The following SDC3 variants were observed in gnomAD, a reference collection of about 807,000 sequenced individuals.
SDC3 encodes the protein syndecan 3.
A neutral mutation model predicts 24.4 loss-of-function variants in SDC3; 13 were observed. That is an observed-to-expected ratio of 0.53 (90% CI 0.35 to 0.85). The LOEUF (loss-of-function observed/expected upper bound fraction) is 0.85. SDC3 is among the 40% of genes least tolerant of loss of function. The probability of loss-of-function intolerance (pLI) is 0.01; values close to 1 mark genes in which losing one functional copy is unlikely to be tolerated. For missense variants in SDC3, 571 were observed against 584.5 expected (o/e 0.98, Z 0.24); for synonymous variants, 295 against 260.9 (o/e 1.13, Z -1.26).
upstream of SDC3, among the ~76,000 whole-genome samples, chr1:30,909,155 C>T (rs1251928077): frequency 1.3e-5 from 2 of 152,186 alleles, no homozygotes; most frequent in Admixed American, 1.3e-4. Context: ...GCTCCACGCA[C>T]GTGTCTCTTC....
chr1:30,897,001 G>A (rs1638277160), intron 1 of SDC3, among the ~76,000 whole-genome samples: 1 of 152,170 alleles, frequency 6.6e-6, no homozygotes, highest in Non-Finnish European at 1.5e-5. Flanking sequence ...GCAAAGGGAT[G>A]AGGCTGGAGA....
At chr1:30,873,445 G>C in intron 4 of SDC3, 68 bp from the exon 5 acceptor site, 1 of 1,223,872 alleles carries the variant, frequency 8.2e-7, no homozygotes, top group African/African-American at 1.5e-5. Context: ...GGTCCTCAGG[G>C]GTGGGGGCCA....
chr1:30,878,534 G>C, intron 2 of SDC3, 89 bp downstream of exon 2: 1 of 1,067,100 alleles, frequency 9.4e-7, no homozygotes, highest in Non-Finnish European at 1.4e-6. Flanking sequence ...CTGCCTCACT[G>C]AAGCAAGCCC....
Position 30,869,532 on chromosome 1 carries a change from C to CA in SDC3, c.*3678dup, listed in dbSNP as rs1639490163. The stretch of plus-strand genomic sequence containing the variant: ...GCACAGGAAGTGTTAAAAAAACAAA[C>CA]AAACAAAAAAAAAAAAAAAAAAAAA... On this transcript the variant is annotated 3_prime_UTR_variant, in exon 5 of 5. Transcript: ENST00000339394. 3.6e-6 allele frequency: 1 copy of CA among 277,008 alleles called. No homozygotes were observed. Among genetic ancestry groups the CA allele is most frequent in the Non-Finnish European group, 5.7e-6 (1 of 174,428 alleles). The allele number at this position is 277,008 out of a possible 1,614,324, so 17.2% of individuals were successfully genotyped here. A position where few individuals can be genotyped will look rare whatever the true frequency, so the allele number is the denominator to read the frequency against.
intron 1 of SDC3, among the ~76,000 whole-genome samples, chr1:30,883,773 G>A (rs979693812): frequency 1.3e-5 from 2 of 152,192 alleles, no homozygotes; most frequent in African/African-American, 4.8e-5. Flanking sequence ...GAAAGGAGGG[G>A]GCGGGGTTAG....
chr1:30,885,469 T>G (rs1044391847), intron 1 of SDC3, among the ~76,000 whole-genome samples: 1 of 152,160 alleles, frequency 6.6e-6, no homozygotes, highest in African/African-American at 2.4e-5. Context: ...CCATAGCACT[T>G]TTGTTATTAG....
At position 30,873,014 on chromosome 1, in the gene SDC3, C is replaced by G. The variant is rs578010255; in HGVS notation, c.*197G>C. On this transcript the variant is annotated 3_prime_UTR_variant, in exon 5 of 5. Coordinates refer to ENST00000339394, the MANE Select transcript of SDC3 (RefSeq NM_014654.4). ...AGAGATGAGCTCGTAAGGGCACAGT[C>G]TGGGGCAGATGGCAGCAGCCCCTCT... 6.6e-6 allele frequency: 4 copies of G among 603,986 alleles called. No homozygotes were observed. Among genetic ancestry groups the G allele is most frequent in the East Asian group, 5.5e-5 (2 of 36,330 alleles). 37.4% of individuals were successfully genotyped at this position (603,986 alleles called of 1,614,324 possible).
chr1:30,882,540 G>A (rs1639760212), intron 1 of SDC3, among the ~76,000 whole-genome samples: 3 of 152,170 alleles, frequency 2.0e-5, no homozygotes, highest in Non-Finnish European at 2.9e-5. Context: ...CTCCCAGGTT[G>A]CCCAGCCCCC....
At chr1:30,879,297 G>A (rs552519826) in intron 1 of SDC3, among the ~76,000 whole-genome samples, 3 of 152,180 alleles carry the variant, frequency 2.0e-5, no homozygotes, top group Admixed American at 6.5e-5. Flanking sequence ...GGAGCCAGGA[G>A]GTGCCCCCTC....
intron 2 of SDC3, chr1:30,878,292 C>A: frequency 4.0e-6 from 1 of 247,314 alleles, no homozygotes; most frequent in South Asian, 7.2e-5. Context: ...GCCCTAACCC[C>A]ACCATTGGCC....
In SDC3 at chr1:30,874,575, T is replaced by G; in HGVS notation, c.884A>C (p.Glu295Ala). The G allele has an allele frequency of 6.2e-7, 1 of 1,614,064 alleles. No homozygotes were observed. The change falls in exon 4 of 5, where the codon GAG becomes GCG. Residue 295 changes from glutamate (E) to alanine (A), a missense_variant. Physicochemically the swap from Glu to Ala is moderately radical, Grantham distance 107. This residue lies in a region of SDC3 where 497 missense variants were observed against 471.6 expected (regional missense o/e 1.05). Transcript: ENST00000339394. Reference protein sequence around the residue: ...PTEVAQTPTPETFLTTIRDEP... With the variant: ...PTEVAQTPTPATFLTTIRDEP... ...ATCCCGGATTGTGGTCAGGAAGGTC[T>G]CTGGAGTTGGGGTCTGCAGAGAGGG...
At chr1:30,906,998 C>T (rs973042820) in intron 1 of SDC3, among the ~76,000 whole-genome samples, 3 of 152,128 alleles carry the variant, frequency 2.0e-5, no homozygotes, top group Non-Finnish European at 4.4e-5. Flanking sequence ...TGACAGCCCC[C>T]TAGATGGGGA....
rs1236114418 is a variant in SDC3 at position 30,869,500 on chromosome 1, G to A, written c.*3711C>T. On this transcript the variant is annotated 3_prime_UTR_variant, in exon 5 of 5. Transcript: ENST00000339394. ...CTTAATTTTATTTCCTCTTATAAAT[G>A]GGCACAGCACAGGAAGTGTTAAAAA... 7 of 387,784 alleles carry A rather than the reference G, an allele frequency of 1.8e-5. No individual in the cohort carries two copies. Among genetic ancestry groups the A allele is most frequent in the Non-Finnish European group, 3.1e-5 (7 of 223,340 alleles). The allele number at this position is 387,784 out of a possible 1,614,324, so 24.0% of individuals were successfully genotyped here.
intron 1 of SDC3, among the ~76,000 whole-genome samples, chr1:30,903,862 C>A (rs1377993803): frequency 6.6e-6 from 1 of 152,268 alleles, no homozygotes; most frequent in East Asian, 1.9e-4. Flanking sequence ...ACTAGCTCTG[C>A]CACTTCTGGC....
chr1:30,897,879 G>A (rs781431777), intron 1 of SDC3, among the ~76,000 whole-genome samples: 3 of 152,176 alleles, frequency 2.0e-5, no homozygotes, highest in Admixed American at 6.6e-5. Context: ...AGTGTTTTGC[G>A]AGTGGCAGGC....
At chr1:30,874,193 G>A (rs948835850) in intron 4 of SDC3, 104 bp downstream of exon 4, 22 of 934,524 alleles carry the variant, frequency 2.4e-5, no homozygotes, top group Non-Finnish European at 3.0e-5. Flanking sequence ...AGGAAACCAC[G>A]CCCTGATCTC....
At chr1:30,896,265 G>A (rs1384918443) in intron 1 of SDC3, among the ~76,000 whole-genome samples, 1 of 152,244 alleles carries the variant, frequency 6.6e-6, no homozygotes, top group Non-Finnish European at 1.5e-5. Context: ...GTGAGGGTTG[G>A]AGGGGAGATG....
chr1:30,877,275 T>G (rs116359735), intron 2 of SDC3, 110 bp from the exon 3 acceptor site: 37,946 of 1,381,848 alleles, frequency 0.027, 651 homozygotes, highest in Non-Finnish European at 0.033. Flanking sequence ...ACCCCCTCTC[T>G]TTACCCAATT....
At chr1:30,900,792 G>C (rs1207122883) in intron 1 of SDC3, among the ~76,000 whole-genome samples, 1 of 152,148 alleles carries the variant, frequency 6.6e-6, no homozygotes, top group Non-Finnish European at 1.5e-5. Context: ...ATTAAAGTCT[G>C]GGCTGGCAGG....
Sources: gnomAD v4.1 joint callset for allele counts (sites outside exome capture counted in the v4.1 genomes callset) on GRCh38, gnomAD v4.1.1 for gene constraint, gnomAD v4.1.1 regional missense constraint, MANE v1.5 for transcripts, NCBI Gene and HGNC (gene_info 2026-07-23, HGNC 2026-07-21) for gene names.